Variants in WDR49 observed in about 807,000 individuals in gnomAD.
WDR49 encodes the protein cilia- and flagella-associated protein 337.
In WDR49, 107 loss-of-function variants were observed where a neutral mutation model predicts 119.5. That is an observed-to-expected ratio of 0.90 (90% CI 0.77 to 1.05). The LOEUF is 1.05. WDR49 is among the 50% of genes least tolerant of loss of function. The pLI is 0.00. For missense variants in WDR49, 1,240 were observed against 1,220.5 expected, an observed-to-expected ratio of 1.02 and a Z score of -0.24; for synonymous variants, 425 against 418.8, an observed-to-expected ratio of 1.01 and a Z score of -0.18.
At chr3:167,527,229 T>C (rs1303977648) in intron 15 of WDR49, among the ~76,000 whole-genome samples, 6 of 152,140 alleles carry the variant, frequency 3.9e-5, no homozygotes, top group Admixed American at 3.3e-4. Flanking sequence ...GTGCCTCTGT[T>C]TCCTTATCTG....
At chr3:167,632,195 T>C (rs9839570) in intron 2 of WDR49, among the ~76,000 whole-genome samples, 43,610 of 151,948 alleles carry the variant, frequency 0.29, 6,523 homozygotes, top group African/African-American at 0.38. Flanking sequence ...GATCTCTATA[T>C]TTTCTTCCTA....
intron 15 of WDR49, among the ~76,000 whole-genome samples, chr3:167,524,318 T>A (rs1752559153): frequency 6.6e-6 from 1 of 152,182 alleles, no homozygotes; most frequent in Non-Finnish European, 1.5e-5. Context: ...GATAGATAGA[T>A]TGATTGATTG....
chr3:167,569,230 C>CCG (rs1713788281), intron 8 of WDR49, among the ~76,000 whole-genome samples: 1 of 152,206 alleles, frequency 6.6e-6, no homozygotes, highest in Non-Finnish European at 1.5e-5. Context: ...GCATGAGCCA[C>CCG]TGCACCCAGC....
intron 16 of WDR49, among the ~76,000 whole-genome samples, chr3:167,520,079 A>ATGTG (rs146681932): frequency 0.2 from 29,706 of 149,100 alleles, 2,982 homozygotes; most frequent in South Asian, 0.22. Flanking sequence ...AAAGAAAAAA[A>ATGTG]TGTGTGTGTG....
At chr3:167,589,476 T>C (rs1714995456) in intron 7 of WDR49, among the ~76,000 whole-genome samples, 1 of 152,140 alleles carries the variant, frequency 6.6e-6, no homozygotes, top group African/African-American at 2.4e-5. Context: ...CTATGAAGAA[T>C]GTCATTGGTA....
intron 11 of WDR49, among the ~76,000 whole-genome samples, chr3:167,535,287 A>G (rs1304914437): frequency 6.6e-6 from 1 of 152,156 alleles, no homozygotes; most frequent in African/African-American, 2.4e-5. Context: ...GGAAACCATC[A>G]ACAAAGCAAA....
chr3:167,518,374 T>C (rs1420911468), intron 16 of WDR49, among the ~76,000 whole-genome samples: 2 of 152,086 alleles, frequency 1.3e-5, no homozygotes, highest in Non-Finnish European at 2.9e-5. Context: ...TTCCTATTTC[T>C]CCACATCCTC....
intron 9 of WDR49, among the ~76,000 whole-genome samples, chr3:167,555,677 C>T (rs1290142898): frequency 2.6e-5 from 4 of 152,080 alleles, no homozygotes; most frequent in Admixed American, 6.6e-5. Flanking sequence ...GTAAAATCTA[C>T]CACAGAATTG....
At chr3:167,655,615 T>C (rs1216896589), upstream of WDR49, among the ~76,000 whole-genome samples, 1 of 152,144 alleles carries the variant, frequency 6.6e-6, no homozygotes, top group Non-Finnish European at 1.5e-5. Flanking sequence ...AAGAGCCTAA[T>C]AGGCAGGGCA....
upstream of WDR49, among the ~76,000 whole-genome samples, chr3:167,655,996 G>A (rs992701486): frequency 6.6e-6 from 1 of 152,114 alleles, no homozygotes; most frequent in African/African-American, 2.4e-5. Flanking sequence ...GGGCTTTACA[G>A]TCTAGTCAGG....
intron 2 of WDR49, 127 bp downstream of exon 2, chr3:167,653,134 A>G (rs1309626395): frequency 1.8e-6 from 2 of 1,125,048 alleles, no homozygotes; most frequent in African/African-American, 1.6e-5. Flanking sequence ...CTAACCAATT[A>G]TTTTTAATTC....
At chr3:167,563,353 C>CA (rs61247447) in intron 8 of WDR49, among the ~76,000 whole-genome samples, 5,393 of 55,568 alleles carry the variant, frequency 0.097, 171 homozygotes, top group African/African-American at 0.11. Flanking sequence ...GATTCTGAAT[C>CA]AAAAAAAAAA....
chr3:167,510,565 T>C (rs1046030747), intron 16 of WDR49, among the ~76,000 whole-genome samples: 1 of 152,150 alleles, frequency 6.6e-6, no homozygotes, highest in African/African-American at 2.4e-5. Flanking sequence ...ATCTCTTAAA[T>C]TCTATATTCA....
chr3:167,557,002 G>A (rs772845340), intron 9 of WDR49, among the ~76,000 whole-genome samples: 2 of 152,092 alleles, frequency 1.3e-5, no homozygotes, highest in Non-Finnish European at 2.9e-5. Context: ...TCTAGCCTGA[G>A]TGACAGAGTG....
chr3:167,576,415 TG>T (rs1488452307), intron 7 of WDR49, among the ~76,000 whole-genome samples: 1 of 152,160 alleles, frequency 6.6e-6, no homozygotes, highest in African/African-American at 2.4e-5. Context: ...AGTAAGTGTT[TG>T]TTGTAGGCAG....
chr3:167,570,895 G>A (rs1274907129), intron 8 of WDR49, among the ~76,000 whole-genome samples: 1 of 152,016 alleles, frequency 6.6e-6, no homozygotes, highest in Non-Finnish European at 1.5e-5. Flanking sequence ...AAGTAGCCGG[G>A]CATGGTGGCG....
intron 14 of WDR49, 135 bp from the exon 15 acceptor site, chr3:167,528,152 A>C: frequency 1.5e-6 from 1 of 657,342 alleles, no homozygotes; most frequent in Non-Finnish European, 2.4e-6. Context: ...AGAAAAGTTC[A>C]TGATAAAAGA....
chr3:167,552,229 G>C (rs1455050187), intron 10 of WDR49, among the ~76,000 whole-genome samples: 1 of 152,038 alleles, frequency 6.6e-6, no homozygotes, highest in East Asian at 1.9e-4. Flanking sequence ...ACATAACATA[G>C]ACACTCTGAA....
chr3:167,618,867 A>G (rs1423585117), intron 5 of WDR49, among the ~76,000 whole-genome samples: 1 of 152,198 alleles, frequency 6.6e-6, no homozygotes. Context: ...TCCTTGTCCT[A>G]TAACTTAAGA....
Sources: allele counts gnomAD v4.1 joint callset (sites outside exome capture counted in the v4.1 genomes callset), GRCh38; gene constraint gnomAD v4.1.1; transcripts MANE v1.5; gene names NCBI Gene and HGNC (gene_info 2026-07-23, HGNC 2026-07-21).